ZBTB38: variants seen among roughly 807,000 people sequenced by gnomAD.
ZBTB38 encodes the protein zinc finger and BTB domain containing 38.
Under a neutral mutation model 76.8 loss-of-function variants are expected in ZBTB38, and 20 were observed. That is an observed-to-expected ratio of 0.26 (90% CI 0.18 to 0.38). The LOEUF is 0.38. Ranked by LOEUF, ZBTB38 falls within the 10% of genes least tolerant of loss-of-function variation. The pLI, the probability that ZBTB38 is intolerant of heterozygous loss-of-function variation, is 1.00. For missense variants in ZBTB38, 1,082 were observed against 1,482.3 expected (o/e 0.73, Z 4.43); for synonymous variants, 504 against 544.2 (o/e 0.93, Z 1.03).
chr3:141,344,279 T>C (rs1943279304), intron 1 of ZBTB38, among the ~76,000 whole-genome samples: 1 of 152,144 alleles, frequency 6.6e-6, no homozygotes, highest in Admixed American at 6.5e-5. Context: ...TCTGGAGGCT[T>C]AGGGGAGAAT....
intron 1 of ZBTB38, among the ~76,000 whole-genome samples, chr3:141,329,465 C>T (rs1942780421): frequency 6.6e-6 from 1 of 152,208 alleles, no homozygotes; most frequent in Admixed American, 6.5e-5. Context: ...CTCCACTTGC[C>T]TCTGGAAAGA....
In ZBTB38 at chr3:141,374,888, G is replaced by A. The variant is rs532611929; in HGVS notation, c.-235+4942G>A. On this transcript the variant is annotated intron_variant, in intron 2 of 5. Transcript: ENST00000321464. ...AATTGGCCCCTAGAAAGGTACGAAT[G>A]TCTATTTCAAAACCTTGGTCTTTTT... Among the ~76,000 whole-genome samples, 3 of 152,296 alleles carry A rather than the reference G, an allele frequency of 2.0e-5. No individual in the cohort carries two copies. The East Asian group carries it at 5.8e-4, about 29-fold the overall frequency.
At chr3:141,369,026 G>A (rs1045832528) in intron 1 of ZBTB38, among the ~76,000 whole-genome samples, 1 of 148,040 alleles carries the variant, frequency 6.8e-6, no homozygotes, top group East Asian at 2.0e-4. Flanking sequence ...ATACTAAGAC[G>A]GAAACCCTGG....
chr3:141,338,363 C>T (rs1380000449), intron 1 of ZBTB38, among the ~76,000 whole-genome samples: 7 of 152,168 alleles, frequency 4.6e-5, no homozygotes, highest in Non-Finnish European at 1.0e-4. Flanking sequence ...TATCGCAGCA[C>T]CATTCACAAT....
rs144705521 is a variant in ZBTB38 at position 141,430,795 on chromosome 3, C to T, written c.1-11594C>T. Among the ~76,000 whole-genome samples the T allele has an allele frequency of 2.6e-4, 39 of 152,264 alleles. No individual in the cohort carries two copies. In the East Asian group the frequency reaches 5.2e-3, roughly 20 times the overall value. ...TCTTCTTCAGAAGCCAGAATGTAAA[C>T]GGCTCTTCCCTGTGCCGTCCCCCAG... On this transcript the variant is annotated intron_variant, in intron 5 of 5. Transcript: ENST00000321464.
Position 141,413,562 on chromosome 3 carries a change from A to T in ZBTB38, c.-1+9531A>T, listed in dbSNP as rs1957358221. 1.3e-5 allele frequency among the ~76,000 whole-genome samples: 2 copies of T among 152,182 alleles called. No individual in the cohort carries two copies. The highest frequency in any genetic ancestry group is 2.1e-4 in the South Asian group (1 of 4,830). ...TATTTGTGTGACACAGTGATGGAGC[A>T]TGATGTCAACTCCCACATACTGTAA... On this transcript the variant is annotated intron_variant, in intron 5 of 5. Transcript: ENST00000321464. The surrounding 1 kb of genome is among the most constrained non-coding windows in gnomAD (Gnocchi z 4.1).
At chr3:141,391,194 G>A (rs1000845941) in intron 4 of ZBTB38, among the ~76,000 whole-genome samples, 2 of 152,088 alleles carry the variant, frequency 1.3e-5, no homozygotes, top group African/African-American at 4.8e-5. Flanking sequence ...AATAAAATAA[G>A]TGAGGGTTAT....
chr3:141,422,096 G>T (rs1308361021), intron 5 of ZBTB38, among the ~76,000 whole-genome samples: 4 of 152,222 alleles, frequency 2.6e-5, no homozygotes, highest in African/African-American at 9.6e-5. Flanking sequence ...CTGCCTTGGG[G>T]CATTCACTTT....
chr3:141,433,548 C>G (rs910843265), intron 5 of ZBTB38, among the ~76,000 whole-genome samples: 4 of 151,928 alleles, frequency 2.6e-5, no homozygotes, highest in African/African-American at 9.7e-5. Flanking sequence ...TTGCACCTAC[C>G]TAATATTTAT....
chr3:141,429,843 G>A (rs2150438853), intron 5 of ZBTB38, among the ~76,000 whole-genome samples: 1 of 152,286 alleles, frequency 6.6e-6, no homozygotes, highest in South Asian at 2.1e-4. Flanking sequence ...GAAGAGACTG[G>A]GCAGGTAGAG....
chr3:141,398,916 A>G (rs940430098), intron 4 of ZBTB38, among the ~76,000 whole-genome samples: 10 of 152,186 alleles, frequency 6.6e-5, no homozygotes, highest in African/African-American at 2.4e-4. Context: ...ATACAGTGCA[A>G]TTGACACTAT....
chr3:141,364,146 G>A (rs1943891793), upstream of ZBTB38, among the ~76,000 whole-genome samples: 1 of 151,610 alleles, frequency 6.6e-6, no homozygotes, highest in Non-Finnish European at 1.5e-5. Flanking sequence ...AAAAAATTAG[G>A]CCGAGTGTGG....
chr3:141,334,428 CCTTCCTTCCTTCCTTCTTTCCTTT>C (rs1942950193), intron 1 of ZBTB38, among the ~76,000 whole-genome samples: 4 of 128,266 alleles, frequency 3.1e-5, no homozygotes, highest in Middle Eastern at 7.2e-3. Flanking sequence ...TTCCTTCCTT[CCTTCCTTCCTTCCTTCTTTCCTTT>C]CTTCCTTCCT....
chr3:141,344,275 G>A lies in ZBTB38; in HGVS notation c.-739+19819G>A, dbSNP rs576048233. 2.0e-5 allele frequency among the ~76,000 whole-genome samples: 3 copies of A among 152,210 alleles called. No individual in the cohort carries two copies. In the South Asian group the frequency reaches 6.2e-4, roughly 32 times the overall value. On this transcript the variant is annotated intron_variant, in intron 1 of 7. Coordinates refer to the ZBTB38 transcript ENST00000509842. Reference sequence around the variant, plus strand: ...CTACAGCTCTGTGTTTCCTTCTGGAGGCTTAGGGGAGAATCCCTTTCCCTA... The same window carrying A: ...CTACAGCTCTGTGTTTCCTTCTGGAAGCTTAGGGGAGAATCCCTTTCCCTA...
chr3:141,407,177 T>C (rs1954821984), intron 5 of ZBTB38, among the ~76,000 whole-genome samples: 1 of 152,244 alleles, frequency 6.6e-6, no homozygotes, highest in South Asian at 2.1e-4. Flanking sequence ...AACAGTAATG[T>C]AATTCCATTG....
intron 1 of ZBTB38, among the ~76,000 whole-genome samples, chr3:141,325,703 T>C (rs1170732094): frequency 6.6e-6 from 1 of 152,222 alleles, no homozygotes; most frequent in Non-Finnish European, 1.5e-5. Context: ...GCATAGAGTT[T>C]GGTGAGTTGA....
In ZBTB38 at chr3:141,447,529, A is replaced by T. The variant is rs566233059; in HGVS notation, c.*1553A>T. The T allele has an allele frequency of 6.5e-6, 1 of 152,794 alleles. No homozygotes were observed. Among genetic ancestry groups the T allele is most frequent in the South Asian group, 2.1e-4 (1 of 4,832 alleles). The allele number at this position is 152,794 out of a possible 1,614,324, so 9.5% of individuals were successfully genotyped here. ...TGATTCTTTTTCAAACTGCCAGAAT[A>T]GAAGGGAGAGAGAAAACATTTCTAC... On this transcript the variant is annotated 3_prime_UTR_variant, in exon 6 of 6. Transcript: ENST00000321464.
chr3:141,340,512 T>C (rs1943141306), intron 1 of ZBTB38, among the ~76,000 whole-genome samples: 1 of 152,146 alleles, frequency 6.6e-6, no homozygotes, highest in Admixed American at 6.5e-5. Context: ...ATTTAGAATA[T>C]ATAAAAACTC....
rs577657249 is a variant in ZBTB38 at position 141,445,094 on chromosome 3, G to A, written c.2706G>A (p.Val902=). Residue 902 remains valine (V), a synonymous_variant, in exon 6 of 6, where the codon GTG becomes GTA. Transcript: ENST00000321464. This position sits in a 1 kb window ranked among gnomAD's most constrained non-coding sequence, Gnocchi z 6.5. ...CQSECMEMSE[V]FDDASDQDST... is the part of the protein sequence containing the mutation. ...CCGAGTGCATGGAGATGAGTGAAGT[G>A]TTCGATGACGCAAGTGACCAGGATT... 1.4e-5 allele frequency: 22 copies of A among 1,614,170 alleles called. No individual in the cohort carries two copies. Among genetic ancestry groups the A allele is most frequent in the African/African-American group, 1.3e-4 (10 of 75,032 alleles).
Sources: gnomAD v4.1 joint callset for allele counts (sites outside exome capture counted in the v4.1 genomes callset) on GRCh38, gnomAD v4.1.1 for gene constraint, Gnocchi (gnomAD v3.1) non-coding constraint, MANE v1.5 for transcripts, NCBI Gene and HGNC (gene_info 2026-07-23, HGNC 2026-07-21) for gene names.